The following NBAS variants were observed in gnomAD, a reference collection of about 807,000 sequenced individuals.
NBAS encodes the protein NBAS subunit of NRZ tethering complex.
NBAS carries 219 observed loss-of-function variants against 302.5 expected under a neutral mutation model. That is an observed-to-expected ratio of 0.72 (90% confidence interval 0.65 to 0.81). NBAS has a LOEUF of 0.81. NBAS is among the 30% of genes least tolerant of loss of function. NBAS has a pLI of 0.00. For synonymous variants in NBAS, 1,118 were observed against 1,021.6 expected (o/e 1.09, Z -1.80); for missense variants, 2,932 against 2,841.6 (o/e 1.03, Z -0.72).
intron 21 of NBAS, among the ~76,000 whole-genome samples, chr2:15,443,257 A>G (rs1416952131): frequency 6.6e-6 from 1 of 151,848 alleles, no homozygotes; most frequent in Non-Finnish European, 1.5e-5. Flanking sequence ...TCCTCAATAA[A>G]ATACTGGCAA....
chr2:15,140,367 C>T, the NBAS span, among the ~76,000 whole-genome samples: 6,754 of 152,280 alleles, frequency 0.044, 210 homozygotes, highest in East Asian at 0.13. Flanking sequence ...GCATAATATA[C>T]GGGTTGTTGG....
chr2:15,422,962 A>G (rs1048052394), intron 23 of NBAS, among the ~76,000 whole-genome samples: 4 of 152,238 alleles, frequency 2.6e-5, no homozygotes, highest in African/African-American at 9.6e-5. Context: ...TATATTTGCA[A>G]AACTCCTATA....
intron 11 of NBAS, among the ~76,000 whole-genome samples, chr2:15,492,654 G>A (rs934415107): frequency 6.6e-6 from 1 of 151,958 alleles, no homozygotes. Flanking sequence ...GGTCACGGGG[G>A]TTCATCATGT....
the NBAS span, among the ~76,000 whole-genome samples, chr2:14,783,083 C>T: frequency 6.6e-6 from 1 of 152,012 alleles, no homozygotes; most frequent in East Asian, 1.9e-4. Context: ...TATAACAAAC[C>T]TGCACATGTA....
At chr2:15,416,774 C>G (rs1030719096) in intron 24 of NBAS, among the ~76,000 whole-genome samples, 1 of 150,144 alleles carries the variant, frequency 6.7e-6, no homozygotes, top group African/African-American at 2.5e-5. Flanking sequence ...TCACTGCACT[C>G]CAGCCTGGGC....
intron 35 of NBAS, among the ~76,000 whole-genome samples, chr2:15,342,227 A>G (rs1484390117): frequency 6.6e-6 from 1 of 152,176 alleles, no homozygotes; most frequent in Non-Finnish European, 1.5e-5. Context: ...TAAAATAGAG[A>G]AAAGTTGGAC....
the NBAS span, among the ~76,000 whole-genome samples, chr2:15,088,743 G>A: frequency 6.6e-6 from 1 of 152,234 alleles, no homozygotes; most frequent in Non-Finnish European, 1.5e-5. Flanking sequence ...TCTCACAGAG[G>A]TGGAAAGTGA....
chr2:15,509,163 T>C (rs757355810), intron 10 of NBAS, among the ~76,000 whole-genome samples: 30 of 152,296 alleles, frequency 2.0e-4, no homozygotes, highest in African/African-American at 4.3e-4. Flanking sequence ...TTATAGATTA[T>C]GGGATAATCA....
the NBAS span, among the ~76,000 whole-genome samples, chr2:14,943,729 G>A: frequency 6.6e-6 from 1 of 152,168 alleles, no homozygotes; most frequent in Non-Finnish European, 1.5e-5. Context: ...TAGGTGTTCA[G>A]ATTCTTAGGA....
At chr2:15,083,969 C>T in the NBAS span, among the ~76,000 whole-genome samples, 11 of 150,500 alleles carry the variant, frequency 7.3e-5, no homozygotes, top group South Asian at 1.9e-3. Context: ...CTGGTTAGAT[C>T]GAATAAAAAA....
At chr2:14,786,237 A>C in the NBAS span, among the ~76,000 whole-genome samples, 7,969 of 151,664 alleles carry the variant, frequency 0.053, 217 homozygotes, top group Non-Finnish European at 0.059. Flanking sequence ...TCTTGCTAGC[A>C]GTCTATCAAT....
chr2:15,212,554 C>T (rs1666461568), intron 48 of NBAS, among the ~76,000 whole-genome samples: 1 of 152,160 alleles, frequency 6.6e-6, no homozygotes, highest in Non-Finnish European at 1.5e-5. Context: ...GTGTACTGTG[C>T]AGACTTTTAT....
intron 6 of NBAS, among the ~76,000 whole-genome samples, chr2:15,542,097 C>G (rs1331960515): frequency 1.2e-5 from 1 of 84,040 alleles, no homozygotes; most frequent in African/African-American, 4.3e-5. Context: ...AGGAGCCCCT[C>G]TGCCTGGCCA....
At chr2:14,973,721 T>G in the NBAS span, among the ~76,000 whole-genome samples, 1 of 152,248 alleles carries the variant, frequency 6.6e-6, no homozygotes, top group African/African-American at 2.4e-5. Context: ...AAGTTTACTG[T>G]GTGCCATTAT....
chr2:15,362,907 G>A (rs1040307375), intron 32 of NBAS, among the ~76,000 whole-genome samples: 3 of 151,984 alleles, frequency 2.0e-5, no homozygotes, highest in African/African-American at 4.8e-5. Flanking sequence ...GCTTTAAAGA[G>A]GTTGAGGTTT....
the NBAS span, among the ~76,000 whole-genome samples, chr2:15,130,746 C>G: frequency 6.6e-6 from 1 of 152,212 alleles, no homozygotes; most frequent in Non-Finnish European, 1.5e-5. Context: ...CATCTCTTCT[C>G]GAAGTCTCCG....
intron 11 of NBAS, among the ~76,000 whole-genome samples, chr2:15,494,782 A>C (rs1480592024): frequency 6.6e-6 from 1 of 152,182 alleles, no homozygotes; most frequent in Non-Finnish European, 1.5e-5. Context: ...ATAAATAGAA[A>C]TCTAGGCTGG....
the NBAS span, among the ~76,000 whole-genome samples, chr2:14,851,466 A>T: frequency 6.7e-6 from 1 of 149,742 alleles, no homozygotes; most frequent in South Asian, 2.1e-4. Flanking sequence ...AGAGTCCAGG[A>T]CCAGATGGAT....
intron 21 of NBAS, among the ~76,000 whole-genome samples, chr2:15,446,836 T>C (rs188989452): frequency 2.6e-5 from 4 of 151,174 alleles, no homozygotes; most frequent in Admixed American, 2.6e-4. Context: ...GAAGTTAGAC[T>C]ATTATAAGTT....
Sources: allele counts gnomAD v4.1 joint callset (sites outside exome capture counted in the v4.1 genomes callset), GRCh38; gene constraint gnomAD v4.1.1; transcripts MANE v1.5; gene names NCBI Gene and HGNC (gene_info 2026-07-23, HGNC 2026-07-21).